Variants in ROBO2 observed in about 807,000 individuals in gnomAD.
ROBO2 encodes roundabout guidance receptor 2.
In ROBO2, 53 loss-of-function variants were observed where a neutral mutation model predicts 160.8. The observed-to-expected ratio is 0.33, with a 90% CI of 0.26 to 0.41. The LOEUF (loss-of-function observed/expected upper bound fraction) is 0.41, where lower values mean the gene tolerates loss of function less well. Among genes scored for constraint, ROBO2 ranks in the 10% least tolerant of loss-of-function variants. The pLI, the probability that ROBO2 is intolerant of heterozygous loss-of-function variation, is 1.00. For synonymous variants in ROBO2, 664 were observed against 611.7 expected (o/e 1.09, Z -1.26); for missense variants, 1,577 against 1,722.4 (o/e 0.92, Z 1.49).
At chr3:77,640,411 G>T (rs769106101) in intron 24 of ROBO2, among the ~76,000 whole-genome samples, 1 of 152,130 alleles carries the variant, frequency 6.6e-6, no homozygotes, top group Admixed American at 6.5e-5. Context: ...ACTGCGCCCG[G>T]CCGCATATTT....
At chr3:76,187,628 A>G (rs989289935) in intron 2 of ROBO2, among the ~76,000 whole-genome samples, 5 of 152,062 alleles carry the variant, frequency 3.3e-5, no homozygotes, top group African/African-American at 1.2e-4. Flanking sequence ...CTCTATGTCA[A>G]TAAATAACAA....
intron 2 of ROBO2, among the ~76,000 whole-genome samples, chr3:76,188,446 G>A (rs1297508481): frequency 6.6e-5 from 10 of 152,010 alleles, no homozygotes; most frequent in Non-Finnish European, 1.5e-4. Flanking sequence ...GGAATAACAA[G>A]GATTGCCTGC....
At chr3:77,445,184 C>T (rs1185080328) in intron 2 of ROBO2, among the ~76,000 whole-genome samples, 2 of 152,244 alleles carry the variant, frequency 1.3e-5, no homozygotes, top group East Asian at 3.9e-4. Context: ...AGATGGGCAC[C>T]TGGCCCACAG....
At chr3:77,391,694 C>T (rs1267160011) in intron 2 of ROBO2, among the ~76,000 whole-genome samples, 1 of 151,900 alleles carries the variant, frequency 6.6e-6, no homozygotes, top group East Asian at 1.9e-4. Flanking sequence ...GTGTAAGATG[C>T]CATACCTCAT....
exon 26 of ROBO2, chr3:77,646,138 G>C (rs1250113012): frequency 2.3e-5 from 23 of 1,006,580 alleles, no homozygotes; most frequent in Non-Finnish European, 3.3e-5. Context: ...ACAGTGCAAT[G>C]AACAATTTAT....
intron 2 of ROBO2, among the ~76,000 whole-genome samples, chr3:75,992,184 A>G (rs1330552549): frequency 6.6e-6 from 1 of 152,174 alleles, no homozygotes; most frequent in East Asian, 1.9e-4. Context: ...TTAATCACCA[A>G]GACAATGGGG....
At chr3:77,374,068 G>A (rs1188236259) in intron 2 of ROBO2, among the ~76,000 whole-genome samples, 2 of 149,368 alleles carry the variant, frequency 1.3e-5, no homozygotes, top group African/African-American at 4.9e-5. Context: ...TACTGGGGAT[G>A]CTGAGGCAGG....
At chr3:77,292,432 C>G (rs2061412233) in intron 2 of ROBO2, among the ~76,000 whole-genome samples, 1 of 151,496 alleles carries the variant, frequency 6.6e-6, no homozygotes, top group South Asian at 2.1e-4. Flanking sequence ...TAAGCTGAGG[C>G]TAGATCACCA....
chr3:76,711,468 A>G (rs1000954814), intron 2 of ROBO2, among the ~76,000 whole-genome samples: 2 of 152,190 alleles, frequency 1.3e-5, no homozygotes, highest in African/African-American at 4.8e-5. Context: ...GTATTTCACA[A>G]TTATCTGTAA....
At chr3:76,259,290 A>G (rs1706592619) in intron 2 of ROBO2, among the ~76,000 whole-genome samples, 2 of 152,200 alleles carry the variant, frequency 1.3e-5, no homozygotes, top group Admixed American at 6.5e-5. Flanking sequence ...CTCCTCATCA[A>G]TGTTAGTCAT....
intron 1 of ROBO2, among the ~76,000 whole-genome samples, chr3:77,053,760 G>T (rs918127010): frequency 6.6e-6 from 1 of 152,090 alleles, no homozygotes; most frequent in Non-Finnish European, 1.5e-5. Flanking sequence ...GCTTTATTTG[G>T]TATATAAATG....
chr3:76,972,105 T>C (rs2059599171), intron 2 of ROBO2, among the ~76,000 whole-genome samples: 1 of 152,158 alleles, frequency 6.6e-6, no homozygotes. Flanking sequence ...GAGAATTACA[T>C]CTAACACCTT....
intron 2 of ROBO2, among the ~76,000 whole-genome samples, chr3:76,101,019 C>A (rs2069660721): frequency 6.6e-6 from 1 of 151,230 alleles, no homozygotes; most frequent in Non-Finnish European, 1.5e-5. Context: ...GTAAAGAGTG[C>A]TGTGTATAAA....
At chr3:76,579,271 T>C (rs1454210000) in intron 2 of ROBO2, among the ~76,000 whole-genome samples, 1 of 152,192 alleles carries the variant, frequency 6.6e-6, no homozygotes, top group Non-Finnish European at 1.5e-5. Context: ...CACAGAATTC[T>C]CTGTCCTGAG....
At chr3:76,231,046 A>C (rs1056117035) in intron 2 of ROBO2, among the ~76,000 whole-genome samples, 3 of 152,084 alleles carry the variant, frequency 2.0e-5, no homozygotes, top group Admixed American at 6.5e-5. Flanking sequence ...GGAAAGAATC[A>C]ACACTCTCAA....
At chr3:76,277,014 T>A (rs1707963867) in intron 2 of ROBO2, among the ~76,000 whole-genome samples, 1 of 152,178 alleles carries the variant, frequency 6.6e-6, no homozygotes, top group South Asian at 2.1e-4. Context: ...CAATATTTTT[T>A]AATAATTTTA....
intron 2 of ROBO2, among the ~76,000 whole-genome samples, chr3:77,230,968 G>T (rs1000743795): frequency 6.6e-6 from 1 of 152,024 alleles, no homozygotes; most frequent in African/African-American, 2.4e-5. Context: ...TTGATTTTTA[G>T]TTAAAAAAGA....
At chr3:76,980,970 T>G (rs896000920) in intron 2 of ROBO2, among the ~76,000 whole-genome samples, 1 of 152,216 alleles carries the variant, frequency 6.6e-6, no homozygotes, top group Non-Finnish European at 1.5e-5. Flanking sequence ...TTCTTTCACT[T>G]AGCATAATGT....
intron 2 of ROBO2, among the ~76,000 whole-genome samples, chr3:76,611,194 C>A (rs1279737150): frequency 6.6e-6 from 1 of 152,136 alleles, no homozygotes; most frequent in Non-Finnish European, 1.5e-5. Flanking sequence ...CCATCTGGAA[C>A]TGGCAGATGG....
Sources: gnomAD v4.1 joint callset for allele counts (sites outside exome capture counted in the v4.1 genomes callset) on GRCh38, gnomAD v4.1.1 for gene constraint, MANE v1.5 for transcripts, NCBI Gene and HGNC (gene_info 2026-07-23, HGNC 2026-07-21) for gene names.